Variants in CLMP observed in about 807,000 individuals in gnomAD.
CLMP encodes CXADR-like membrane protein.
In CLMP, 27 loss-of-function variants were observed where a neutral mutation model predicts 45.2. That is an observed-to-expected ratio of 0.60 (90% CI 0.44 to 0.82). The LOEUF is 0.82. CLMP is among the 40% of genes least tolerant of loss of function. The probability of loss-of-function intolerance (pLI) is 0.00; values close to 1 mark genes in which losing one functional copy is unlikely to be tolerated. For missense variants in CLMP, 403 were observed against 448.4 expected (o/e 0.90, Z 0.91); for synonymous variants, 167 against 171.4 (o/e 0.97, Z 0.20).
chr11:123,075,410 G>A lies in CLMP; in HGVS notation c.680-567C>T, dbSNP rs535018840. Among the ~76,000 whole-genome samples, 134 of 151,916 alleles carry A rather than the reference G, an allele frequency of 8.8e-4. 1 individual carries two copies. The highest frequency in any genetic ancestry group is 9.9e-4 in the Non-Finnish European group (67 of 67,964). On this transcript the variant is annotated intron_variant, in intron 5 of 6. Transcript: ENST00000448775. The stretch of plus-strand genomic sequence containing the variant: ...TTTGTTTGTTTGTTTGTTTTGAGAG[G>A]GAGTCTCGCTGTGTCCCCCAGACTG...
chr11:123,173,748 C>T (rs1861665125), intron 1 of CLMP, among the ~76,000 whole-genome samples: 1 of 152,102 alleles, frequency 6.6e-6, no homozygotes, highest in East Asian at 1.9e-4. Context: ...AATAACAGCT[C>T]TGTCCAGGAT....
chr11:123,152,514 C>T (rs989543594), intron 1 of CLMP, among the ~76,000 whole-genome samples: 44 of 149,094 alleles, frequency 3.0e-4, no homozygotes, highest in Admixed American at 2.3e-3. Context: ...CAGAGTGAGA[C>T]TCCATCTCAA....
chr11:123,082,386 GCA>G (rs1277142341), intron 5 of CLMP, among the ~76,000 whole-genome samples: 1 of 152,160 alleles, frequency 6.6e-6, no homozygotes, highest in African/African-American at 2.4e-5. Context: ...TCGGCTCACT[GCA>G]ACCTCCGTGT....
intron 1 of CLMP, among the ~76,000 whole-genome samples, chr11:123,155,648 G>A (rs547505267): frequency 6.6e-6 from 1 of 152,232 alleles, no homozygotes; most frequent in South Asian, 2.1e-4. Context: ...ATACCATAAT[G>A]TCCTTTCATC....
At chr11:123,076,699 CAG>C (rs2135462479) in intron 5 of CLMP, among the ~76,000 whole-genome samples, 1 of 152,092 alleles carries the variant, frequency 6.6e-6, no homozygotes, top group East Asian at 1.9e-4. Flanking sequence ...GATGAGGTCA[CAG>C]AGACAGGAAA....
intron 1 of CLMP, among the ~76,000 whole-genome samples, chr11:123,145,059 A>G (rs1236362200): frequency 2.0e-5 from 3 of 152,232 alleles, no homozygotes; most frequent in Admixed American, 6.5e-5. Context: ...AAAAGAGTGT[A>G]AAAAATCTTG....
At chr11:123,152,555 TAAATAAATAAA>T (rs1340069695) in intron 1 of CLMP, among the ~76,000 whole-genome samples, 6 of 145,502 alleles carry the variant, frequency 4.1e-5, no homozygotes, top group African/African-American at 1.4e-4. Flanking sequence ...AATAAATAAA[TAAATAAATAAA>T]AAATAAATAA....
intron 1 of CLMP, among the ~76,000 whole-genome samples, chr11:123,106,729 T>G (rs1294374784): frequency 6.6e-6 from 1 of 152,060 alleles, no homozygotes; most frequent in Non-Finnish European, 1.5e-5. Flanking sequence ...CTATTAATAA[T>G]TGTACTTGTG....
At position 123,128,821 on chromosome 11, in the gene CLMP, T is replaced by C. The variant is rs966502555; in HGVS notation, c.29-30869A>G. The stretch of plus-strand genomic sequence containing the variant: ...AAACTTTTATACTAATAGCTACTTA[T>C]ATGGAACACTGGCTAAGAGCTCTGT... On this transcript the variant is annotated intron_variant, in intron 1 of 6. Transcript: ENST00000448775. Among the ~76,000 whole-genome samples the C allele has an allele frequency of 2.0e-5, 3 of 152,220 alleles. No homozygotes were observed. The East Asian group carries it at 5.8e-4, about 29-fold the overall frequency.
At chr11:123,177,825 C>A (rs1201781033) in intron 1 of CLMP, among the ~76,000 whole-genome samples, 1 of 151,978 alleles carries the variant, frequency 6.6e-6, no homozygotes, top group Admixed American at 6.6e-5. Context: ...AATTATATCC[C>A]AAAAAATCTT....
chr11:123,088,098 T>TG (rs1865886678), intron 2 of CLMP, among the ~76,000 whole-genome samples: 1 of 151,802 alleles, frequency 6.6e-6, no homozygotes, highest in African/African-American at 2.4e-5. Context: ...TTAGAAGAGA[T>TG]GGGGTTTCTC....
intron 5 of CLMP, among the ~76,000 whole-genome samples, chr11:123,076,551 T>A (rs997568029): frequency 2.6e-5 from 4 of 151,780 alleles, no homozygotes; most frequent in African/African-American, 9.7e-5. Flanking sequence ...TTTGAGGAGG[T>A]GACATTTGAG....
chr11:123,096,884 C>T (rs1438358746), intron 2 of CLMP, among the ~76,000 whole-genome samples: 2 of 152,042 alleles, frequency 1.3e-5, no homozygotes, highest in Admixed American at 6.6e-5. Flanking sequence ...GATCTCAGCT[C>T]ACTGCAGCCT....
chr11:123,103,492 C>A (rs1406058558), intron 1 of CLMP, among the ~76,000 whole-genome samples: 1 of 152,054 alleles, frequency 6.6e-6, no homozygotes, highest in Admixed American at 6.6e-5. Context: ...TGACAGTCAG[C>A]CAAGTCCTAT....
At chr11:123,191,828 C>T (rs1861911845) in intron 1 of CLMP, among the ~76,000 whole-genome samples, 1 of 152,190 alleles carries the variant, frequency 6.6e-6, no homozygotes, top group Non-Finnish European at 1.5e-5. Flanking sequence ...GAACATGGTT[C>T]ACAGGTGAAT....
chr11:123,162,059 C>A (rs752226572), intron 1 of CLMP, among the ~76,000 whole-genome samples: 2 of 152,210 alleles, frequency 1.3e-5, no homozygotes, highest in African/African-American at 4.8e-5. Context: ...ATGGCCCCAA[C>A]CTGAAGAAGC....
chr11:123,145,405 C>T (rs1485033517), intron 1 of CLMP, among the ~76,000 whole-genome samples: 3 of 150,626 alleles, frequency 2.0e-5, no homozygotes, highest in East Asian at 1.9e-4. Flanking sequence ...TTGCACGTCA[C>T]AGACTTTGTC....
chr11:123,136,210 A>G, intron 1 of CLMP: 1 of 646,050 alleles, frequency 1.5e-6, no homozygotes, highest in Non-Finnish European at 3.0e-6. Flanking sequence ...ACCAGCCAGG[A>G]ACACCACCCA....
intron 3 of CLMP, among the ~76,000 whole-genome samples, chr11:123,084,076 G>A (rs1865836166): frequency 6.6e-6 from 1 of 152,132 alleles, no homozygotes; most frequent in Non-Finnish European, 1.5e-5. Flanking sequence ...AATTTTTGGG[G>A]CAGAGGCTGC....
Sources: allele counts gnomAD v4.1 joint callset (sites outside exome capture counted in the v4.1 genomes callset), GRCh38; gene constraint gnomAD v4.1.1; transcripts MANE v1.5; gene names NCBI Gene and HGNC (gene_info 2026-07-23, HGNC 2026-07-21).